Variants in ADM observed in about 807,000 individuals in gnomAD.
ADM encodes the protein pro-adrenomedullin.
In ADM, 4 loss-of-function variants were observed where a neutral mutation model predicts 9.0. The observed-to-expected ratio is 0.44, with a 90% confidence interval of 0.22 to 1.02. ADM has a LOEUF of 1.02. Among genes scored for constraint, ADM ranks in the 50% least tolerant of loss-of-function variants. The probability of loss-of-function intolerance (pLI) is 0.24; values close to 1 mark genes in which losing one functional copy is unlikely to be tolerated. For missense variants in ADM, 253 were observed against 254.1 expected, an observed-to-expected ratio of 1.00 and a Z score of 0.03; for synonymous variants, 107 against 107.2, an observed-to-expected ratio of 1.00 and a Z score of 0.01.
chr11:10,305,867 A>G, intron 2 of ADM, 69 bp downstream of exon 2: 1 of 1,610,376 alleles, frequency 6.2e-7, no homozygotes, highest in Non-Finnish European at 8.5e-7. Context: ...GTTGGTCCCG[A>G]AGGTCTAGAA....
intron 2 of ADM, 22 bp downstream of exon 2, chr11:10,305,820 C>G (rs1964648987): frequency 1.9e-6 from 3 of 1,613,714 alleles, no homozygotes; most frequent in Non-Finnish European, 2.5e-6. Context: ...CAGCGCCTTC[C>G]CCCTTGCTGG....
Position 10,305,754 on chromosome 11 carries a change from C to G in ADM, c.54C>G (p.Gly18=). Residue 18 remains glycine, a synonymous_variant, in exon 2 of 4, where the codon GGC becomes GGG. Coordinates refer to ENST00000278175, the MANE Select transcript of ADM (RefSeq NM_001124.3). Reference sequence around the variant, plus strand: ...ACCTGGGTTCGCTCGCCTTCCTAGGCGCTGACACCGCTCGGTTGGATGTCG... The same window carrying G: ...ACCTGGGTTCGCTCGCCTTCCTAGGGGCTGACACCGCTCGGTTGGATGTCG... ...LMYLGSLAFL[G]ADTARLDVAS... 1 of 1,614,172 alleles carries G rather than the reference C, an allele frequency of 6.2e-7. No individual in the cohort carries two copies. The highest frequency in any genetic ancestry group is 1.1e-5 in the South Asian group (1 of 91,088).
In ADM at chr11:10,307,114, A is replaced by T. The variant is rs1964669750; in HGVS notation, c.*473A>T. 6.5e-6 allele frequency: 1 copy of T among 154,666 alleles called. No individual in the cohort carries two copies. The highest frequency in any genetic ancestry group is 2.0e-4 in the South Asian group (1 of 4,914). The allele number at this position is 154,666 out of a possible 1,614,324, so 9.6% of individuals were successfully genotyped here. On this transcript the variant is annotated 3_prime_UTR_variant, in exon 4 of 4. Transcript: ENST00000278175. This position sits in a 1 kb window ranked among gnomAD's most constrained non-coding sequence, Gnocchi z 4.5. Reference sequence around the variant, plus strand: ...TCAATATTTAAGTTTGTTGCTGTCAAGATTTTTTTTGTAACTTCAAATATA... The same window carrying T: ...TCAATATTTAAGTTTGTTGCTGTCATGATTTTTTTTGTAACTTCAAATATA...
At chr11:10,305,923 G>T in intron 2 of ADM, 26 bp from the exon 3 acceptor site, 1 of 1,613,056 alleles carries the variant, frequency 6.2e-7, no homozygotes. Context: ...GAACGCACGC[G>T]AATCGGGTCT....
Position 10,306,316 on chromosome 11 carries a change from C to CT in ADM, c.249-15dup. ...GGGTCTCAAGTTGCCTTTCTTCCCC[C>CT]TCCCCCCGCCCGCAGCAGTCCGGAT... On this transcript the variant is annotated splice_polypyrimidine_tract_variant and intron_variant, in intron 3 of 3. Coordinates refer to ENST00000278175, the MANE Select transcript of ADM (RefSeq NM_001124.3). 1 of 1,067,410 alleles carries CT rather than the reference C, an allele frequency of 9.4e-7. No individual in the cohort carries two copies. Among genetic ancestry groups the CT allele is most frequent in the Non-Finnish European group, 1.4e-6 (1 of 719,716 alleles). The allele number at this position is 1,067,410 out of a possible 1,614,324, so 66.1% of individuals were successfully genotyped here.
chr11:10,306,938 G>A lies in ADM; in HGVS notation c.*297G>A. 2 of 305,336 alleles carry A rather than the reference G, an allele frequency of 6.6e-6. No individual in the cohort carries two copies. The highest frequency in any genetic ancestry group is 1.2e-5 in the Non-Finnish European group (2 of 166,904). The allele number at this position is 305,336 out of a possible 1,614,324, so 18.9% of individuals were successfully genotyped here. A position where few individuals can be genotyped will look rare whatever the true frequency, so the allele number is the denominator to read the frequency against. On this transcript the variant is annotated 3_prime_UTR_variant, in exon 4 of 4. Transcript: ENST00000278175. ...CTGAGAAATGAATGCTGAGACCCCC[G>A]GAGCAGGGGTCTGAGCCACAGCCGT...
At chr11:10,305,556 G>A (rs1049100985) in intron 1 of ADM, 124 bp from the exon 2 acceptor site, 11 of 765,846 alleles carry the variant, frequency 1.4e-5, no homozygotes, top group Admixed American at 5.2e-5. Context: ...GGAGATAAGC[G>A]TCTGAGCCAG....
In ADM at chr11:10,306,052, A is replaced by T; in HGVS notation, c.202A>T (p.Ile68Phe). 1 of 1,614,036 alleles carries T rather than the reference A, an allele frequency of 6.2e-7. No homozygotes were observed. Among genetic ancestry groups the T allele is most frequent in the South Asian group, 1.1e-5 (1 of 91,080 alleles). The change falls in exon 3 of 4, where the codon ATT becomes TTT. Residue 68 changes from isoleucine (I) to phenylalanine (F), a missense_variant. Ile to Phe is a conservative substitution (Grantham distance 21, BLOSUM62 0). Transcript: ENST00000278175. ...GAAGGCCGGGCCTGCCCAGACCCTTATTCGGCCCCAGGACATGAAGGGTGC... is the reference window on the plus strand; with the variant it reads ...GAAGGCCGGGCCTGCCCAGACCCTTTTTCGGCCCCAGGACATGAAGGGTGC... ...DVKAGPAQTL[I>F]RPQDMKGASR...
In ADM at chr11:10,305,792, G is replaced by C; in HGVS notation, c.92G>C (p.Arg31Pro). Residue 31 changes from arginine to proline, a missense_variant, in exon 2 of 4, where the codon CGA (arginine) becomes CCA (proline). Physicochemically the swap from Arg to Pro is moderately radical, Grantham distance 103. Coordinates refer to ENST00000278175, the MANE Select transcript of ADM (RefSeq NM_001124.3). ...CGGTTGGATGTCGCGTCGGAGTTTC[G>C]AAAGAAGTGAGTCCGGGCAGCGCCT... ...TARLDVASEF[R>P]KKWNKWALSR... The C allele has an allele frequency of 6.2e-7, 1 of 1,614,138 alleles. No homozygotes were observed. Among genetic ancestry groups the C allele is most frequent in the Non-Finnish European group, 8.5e-7 (1 of 1,180,030 alleles).
Position 10,306,492 on chromosome 11 carries a change from C to T in ADM, c.409C>T (p.Pro137Ser). 1 of 1,613,544 alleles carries T rather than the reference C, an allele frequency of 6.2e-7. No homozygotes were observed. Among genetic ancestry groups the T allele is most frequent in the Non-Finnish European group, 8.5e-7 (1 of 1,179,906 alleles). ...FTDKDKDNVA[P>S]RSKISPQGYG... ...AGATAAGGACAAGGACAACGTCGCC[C>T]CCAGGAGCAAGATCAGCCCCCAGGG... The change falls in exon 4 of 4, where the codon CCC becomes TCC. Residue 137 changes from proline (P) to serine (S), a missense_variant. Coordinates refer to ENST00000278175, the MANE Select transcript of ADM (RefSeq NM_001124.3).
At chr11:10,306,311 T>TGCGGCG in intron 3 of ADM, 21 bp from the exon 4 acceptor site, 4 of 1,543,776 alleles carry the variant, frequency 2.6e-6, no homozygotes, top group Non-Finnish European at 2.7e-6. Flanking sequence ...TTGCCTTTCT[T>TGCGGCG]CCCCCTCCCC....
At chr11:10,305,926 T>G (rs778631466) in intron 2 of ADM, 23 bp from the exon 3 acceptor site, 1 of 1,613,216 alleles carries the variant, frequency 6.2e-7, no homozygotes, top group East Asian at 2.2e-5. Context: ...CGCACGCGAA[T>G]CGGGTCTGCT....
In ADM at chr11:10,306,441, C is replaced by T. The variant is rs767155083; in HGVS notation, c.358C>T (p.Leu120=). 1.9e-6 allele frequency: 3 copies of T among 1,613,014 alleles called. No individual in the cohort carries two copies. The highest frequency in any genetic ancestry group is 2.5e-6 in the Non-Finnish European group (3 of 1,179,790). Residue 120 remains leucine, a synonymous_variant, in exon 4 of 4, where the codon CTG becomes TTG. Coordinates refer to ENST00000278175, the MANE Select transcript of ADM (RefSeq NM_001124.3). ...CTTCGGGACGTGCACGGTGCAGAAG[C>T]TGGCACACCAGATCTACCAGTTCAC... ...CRFGTCTVQK[L]AHQIYQFTDK...
Position 10,306,089 on chromosome 11 carries a change from C to T in ADM, c.239C>T (p.Pro80Leu). ...PQDMKGASRS[P>L]EDSSPDAARI... Reference sequence around the variant, plus strand: ...GACATGAAGGGTGCCTCTCGAAGCCCCGAAGACAGGTAACTACGCCCTGTG... The same window carrying T: ...GACATGAAGGGTGCCTCTCGAAGCCTCGAAGACAGGTAACTACGCCCTGTG... Residue 80 changes from proline to leucine, a missense_variant, in exon 3 of 4, where the codon CCC becomes CTC. By Grantham distance (98) the Pro-to-Leu change is moderately conservative. Transcript: ENST00000278175. 4 of 1,613,872 alleles carry T rather than the reference C, an allele frequency of 2.5e-6. No individual in the cohort carries two copies. The highest frequency in any genetic ancestry group is 3.4e-6 in the Non-Finnish European group (4 of 1,180,000).
chr11:10,306,197 G>A, intron 3 of ADM, 99 bp downstream of exon 3: 1 of 1,547,322 alleles, frequency 6.5e-7, no homozygotes, highest in Non-Finnish European at 8.7e-7. Context: ...CGTCGGGGCT[G>A]GACCGCAGCT....
At position 10,305,614 on chromosome 11, in the gene ADM, C is replaced by T. The variant is rs552253686; in HGVS notation, c.-21-66C>T. 6,599 of 1,441,574 alleles carry T rather than the reference C, an allele frequency of 4.6e-3. 25 individuals carry two copies. Among genetic ancestry groups the T allele is most frequent in the Admixed American group, 5.5e-3 (314 of 57,044 alleles). 89.3% of individuals were successfully genotyped at this position (1,441,574 alleles called of 1,614,324 possible). On this transcript the variant is annotated intron_variant, in intron 1 of 3. Coordinates refer to ENST00000278175, the MANE Select transcript of ADM (RefSeq NM_001124.3). ...CTCGCCGGGGCCCCTGCCCGCCCTC[C>T]GTGCCCCGCCCGGGCGGTGCAGCTG...
intron 3 of ADM, 21 bp from the exon 4 acceptor site, chr11:10,306,311 T>TGCGCGG: frequency 6.5e-7 from 1 of 1,543,788 alleles, no homozygotes; most frequent in Non-Finnish European, 8.9e-7. Flanking sequence ...TTGCCTTTCT[T>TGCGCGG]CCCCCTCCCC....
At position 10,306,559 on chromosome 11, in the gene ADM, C is replaced by G. The variant is rs750283609; in HGVS notation, c.476C>G (p.Pro159Arg). ...CGGCGCTCCCTGCCCGAGGCCGGCCCGGGTCGGACTCTGGTGTCTTCTAAG... is the reference window on the plus strand; with the variant it reads ...CGGCGCTCCCTGCCCGAGGCCGGCCGGGGTCGGACTCTGGTGTCTTCTAAG... Reference protein sequence around the residue: ...RRRRSLPEAGPGRTLVSSKPQ... With the variant: ...RRRRSLPEAGRGRTLVSSKPQ... Residue 159 changes from proline (P) to arginine (R), a missense_variant, in exon 4 of 4, where the codon CCG (proline) becomes CGG (arginine). Coordinates refer to ENST00000278175, the MANE Select transcript of ADM (RefSeq NM_001124.3). 4.1e-5 allele frequency: 66 copies of G among 1,611,910 alleles called. No individual in the cohort carries two copies. The highest frequency in any genetic ancestry group is 1.3e-4 in the East Asian group (6 of 44,826).
Position 10,306,675 on chromosome 11 carries a change from G to T in ADM, c.*34G>T. On this transcript the variant is annotated 3_prime_UTR_variant, in exon 4 of 4. Transcript: ENST00000278175. ...CGCCCATGGTACAAGGAATAGTCGC[G>T]CAAGCATCCCGCTGGTGCCTCCCGG... is the stretch of plus-strand genomic sequence containing the variant. The T allele has an allele frequency of 6.7e-7, 1 of 1,493,602 alleles. No homozygotes were observed. The allele number at this position is 1,493,602 out of a possible 1,614,324, so 92.5% of individuals were successfully genotyped here.
Sources: gnomAD v4.1 joint callset for allele counts on GRCh38, gnomAD v4.1.1 for gene constraint, Gnocchi (gnomAD v3.1) non-coding constraint, MANE v1.5 for transcripts, NCBI Gene and HGNC (gene_info 2026-07-23, HGNC 2026-07-21) for gene names.